The following IFNLR1 variants were observed in gnomAD, a reference collection of about 807,000 sequenced individuals.
IFNLR1 encodes interferon lambda receptor 1, also known as CRF2-12.
IFNLR1 carries 28 observed loss-of-function variants against 52.5 expected under a neutral mutation model. That is an observed-to-expected ratio of 0.53 (90% CI 0.40 to 0.73). The LOEUF is 0.73. IFNLR1 is among the 30% of genes least tolerant of loss of function. The probability of loss-of-function intolerance (pLI) is 0.00; values close to 1 mark genes in which losing one functional copy is unlikely to be tolerated. For missense variants in IFNLR1, 623 were observed against 659.1 expected (o/e 0.95, Z 0.60); for synonymous variants, 276 against 274.9 (o/e 1.00, Z -0.04).
chr1:24,162,782 CTTTCTTT>C (rs1557643960), intron 3 of IFNLR1, among the ~76,000 whole-genome samples: 5,247 of 68,074 alleles, frequency 0.077, 702 homozygotes, highest in Middle Eastern at 0.1. Context: ...CTTTCTTTTT[CTTTCTTT>C]TTCTTTCTTT....
intron 4 of IFNLR1, among the ~76,000 whole-genome samples, chr1:24,161,153 C>T (rs947958429): frequency 9.9e-5 from 15 of 152,164 alleles, no homozygotes; most frequent in East Asian, 1.9e-4. Context: ...CCAAACATAT[C>T]GACTATCTGG....
Position 24,157,871 on chromosome 1 carries a change from G to T in IFNLR1, c.822C>A (p.His274Gln). Residue 274 changes from histidine (H) to glutamine (Q), a missense_variant, in exon 7 of 7, where the codon CAC (histidine) becomes CAA (glutamine). His to Gln is a conservative substitution (Grantham distance 24). Coordinates refer to ENST00000327535, the MANE Select transcript of IFNLR1 (RefSeq NM_170743.4). This position sits in a 1 kb window ranked among gnomAD's most constrained non-coding sequence, Gnocchi z 5.1. The stretch of plus-strand genomic sequence containing the variant: ...TGCTGGGCTGAAAGGTTGCCACAGG[G>T]TGTGTGTGTCCAGAAAAGTCCTGAT... Reference protein sequence around the residue: ...PRALDFSGHTHPVATFQPSRP... With the variant: ...PRALDFSGHTQPVATFQPSRP... 6.3e-7 allele frequency: 1 copy of T among 1,592,534 alleles called. No homozygotes were observed. The highest frequency in any genetic ancestry group is 8.5e-7 in the Non-Finnish European group (1 of 1,170,720).
At position 24,187,227 on chromosome 1, in the gene IFNLR1, C is replaced by A; in HGVS notation, c.22G>T (p.Gly8Cys). ...TGCAGCAGGCACAGGAGCAGGGGGC[C>A]CCAGCGCTCGGGCCCCGCCATGGCC... MAGPERWGPLLLCLLQAA... is the reference protein window; with the variant it reads MAGPERWCPLLLCLLQAA... Residue 8 changes from glycine to cysteine, a missense_variant, in exon 1 of 7, where the codon GGC becomes TGC. Transcript: ENST00000327535. 1.5e-6 allele frequency: 2 copies of A among 1,291,526 alleles called. No individual in the cohort carries two copies. The highest frequency in any genetic ancestry group is 2.0e-6 in the Non-Finnish European group (2 of 1,019,340). The allele number at this position is 1,291,526 out of a possible 1,614,324, so 80.0% of individuals were successfully genotyped here.
intron 6 of IFNLR1, among the ~76,000 whole-genome samples, chr1:24,158,477 C>T (rs1569623648): frequency 6.6e-6 from 1 of 152,194 alleles, no homozygotes; most frequent in Non-Finnish European, 1.5e-5. Context: ...TGCAGGGACA[C>T]TCAGAATCCA....
rs1225591100 is a variant in IFNLR1, at chr1:24,156,144, G to T, written c.*986C>A. ...GGGTTCCCATTGCTAGGTGAAGGCGGAGAGACCAGGGTCCCCTTGGGTGGG... is the reference window on the plus strand; with the variant it reads ...GGGTTCCCATTGCTAGGTGAAGGCGTAGAGACCAGGGTCCCCTTGGGTGGG... On this transcript the variant is annotated 3_prime_UTR_variant, in exon 7 of 7. Coordinates refer to ENST00000327535, the MANE Select transcript of IFNLR1 (RefSeq NM_170743.4). 6.6e-6 allele frequency: 1 copy of T among 152,134 alleles called. No homozygotes were observed. Among genetic ancestry groups the T allele is most frequent in the Non-Finnish European group, 1.5e-5 (1 of 68,076 alleles). The allele number at this position is 152,134 out of a possible 1,614,324, so 9.4% of individuals were successfully genotyped here.
chr1:24,174,631 T>A (rs4649198), intron 2 of IFNLR1, among the ~76,000 whole-genome samples: 151,980 of 152,348 alleles, frequency 1, 75,807 homozygotes, highest in South Asian at 1. Context: ...AAGTTAAAAG[T>A]TCATTGGCTA....
intron 3 of IFNLR1, among the ~76,000 whole-genome samples, chr1:24,168,247 C>T (rs558030499): frequency 6.6e-6 from 1 of 152,158 alleles, no homozygotes; most frequent in East Asian, 1.9e-4. Flanking sequence ...CTTCTTTCCA[C>T]ACGAATCATC....
At chr1:24,173,809 T>C (rs1644605488) in intron 2 of IFNLR1, among the ~76,000 whole-genome samples, 1 of 143,976 alleles carries the variant, frequency 6.9e-6, no homozygotes, top group South Asian at 2.2e-4. Context: ...CCACCATGCC[T>C]GGCTAATTTT....
intron 1 of IFNLR1, among the ~76,000 whole-genome samples, chr1:24,186,911 T>C (rs949009060): frequency 1.3e-5 from 2 of 152,172 alleles, no homozygotes; most frequent in African/African-American, 4.8e-5. Context: ...TATTAAAAAA[T>C]ATGCAGTATC....
At chr1:24,158,491 T>TC (rs1261356576) in intron 6 of IFNLR1, among the ~76,000 whole-genome samples, 1 of 152,172 alleles carries the variant, frequency 6.6e-6, no homozygotes, top group Non-Finnish European at 1.5e-5. Flanking sequence ...GAATCCATCC[T>TC]CAAAGCCCCC....
chr1:24,180,850 C>A lies in IFNLR1; in HGVS notation c.63G>T (p.Arg21Ser), dbSNP rs779262424. 6.2e-7 allele frequency: 1 copy of A among 1,613,072 alleles called. No individual in the cohort carries two copies. Among genetic ancestry groups the A allele is most frequent in the Non-Finnish European group, 8.5e-7 (1 of 1,179,668 alleles). The change falls in exon 2 of 7, where the codon AGG becomes AGT. Residue 21 changes from arginine (R) to serine (S), a missense_variant. Arg to Ser is a moderately radical substitution (Grantham distance 110). Coordinates refer to ENST00000327535, the MANE Select transcript of IFNLR1 (RefSeq NM_170743.4). The part of the protein sequence containing the change: ...LLCLLQAAPG[R>S]PRLAPPQNVT... ...CATTCTGGGGAGGGGCCAGACGGGG[C>A]CTCCCTGGGGGAAAGAAAGGGGTCA...
chr1:24,159,263 A>G (rs1026828393), intron 5 of IFNLR1, 81 bp from the exon 6 acceptor site: 33 of 1,518,382 alleles, frequency 2.2e-5, no homozygotes, highest in South Asian at 4.7e-5. Flanking sequence ...CTTCACATAC[A>G]TGACCCTATT....
In IFNLR1 at chr1:24,157,172, G is replaced by A. The variant is rs369424478; in HGVS notation, c.1521C>T (p.Thr507=). 6.9e-5 allele frequency: 111 copies of A among 1,613,888 alleles called. No homozygotes were observed. Among genetic ancestry groups the A allele is most frequent in the South Asian group, 2.0e-4 (18 of 91,062 alleles). The part of the protein sequence containing the change: ...GSWGAESTQR[T]EDRGRTLGHY... ...GCCCCAATGTCCGGCCCCTGTCCTC[G>A]GTCCTCTGGGTGCTCTCAGCCCCCC... is the stretch of plus-strand genomic sequence containing the variant. Residue 507 remains threonine, a synonymous_variant, in exon 7 of 7, where the codon ACC becomes ACT. Transcript: ENST00000327535. The surrounding 1 kb of genome is among the most constrained non-coding windows in gnomAD (Gnocchi z 5.1).
At chr1:24,162,762 TTCTTTCTTTCTTTCTTTTTCTTTC>T (rs1557643840) in intron 3 of IFNLR1, among the ~76,000 whole-genome samples, 6 of 25,060 alleles carry the variant, frequency 2.4e-4, no homozygotes, top group African/African-American at 9.5e-4. Context: ...CTTTCTTTCT[TTCTTTCTTTCTTTCTTTTTCTTTC>T]TTTTTCTTTC....
chr1:24,168,101 C>G (rs1302558084), intron 3 of IFNLR1, among the ~76,000 whole-genome samples: 1 of 152,078 alleles, frequency 6.6e-6, no homozygotes, highest in Non-Finnish European at 1.5e-5. Flanking sequence ...CACATATTTC[C>G]TTCCTAATAG....
chr1:24,162,831 T>TTTTCTTTCTTTCTTTCTTTCTTTC (rs71029518), intron 3 of IFNLR1, among the ~76,000 whole-genome samples: 2 of 33,856 alleles, frequency 5.9e-5, no homozygotes, highest in African/African-American at 1.2e-4. Flanking sequence ...TCTTTCTTTC[T>TTTTCTTTCTTTCTTTCTTTCTTTC]TTTCTTTCTT....
rs532693168 is a variant in IFNLR1, at chr1:24,184,371, A to G, written c.58+2820T>C. On this transcript the variant is annotated intron_variant, in intron 1 of 6. Coordinates refer to ENST00000327535, the MANE Select transcript of IFNLR1 (RefSeq NM_170743.4). ...ACTGTTAATCTTCATCTTCTGAAAT[A>G]CGCATCTGATTACACCACTCCCCAG... is the stretch of plus-strand genomic sequence containing the variant. 3.2e-3 allele frequency among the ~76,000 whole-genome samples: 487 copies of G among 152,244 alleles called. 2 individuals are homozygous for G. Among genetic ancestry groups the G allele is most frequent in the African/African-American group, 0.01 (422 of 41,532 alleles).
intron 1 of IFNLR1, among the ~76,000 whole-genome samples, chr1:24,186,221 T>C (rs1184166207): frequency 1.3e-5 from 2 of 152,080 alleles, no homozygotes; most frequent in Admixed American, 6.5e-5. Context: ...ACCCAGTGGA[T>C]GGACAGCCTG....
chr1:24,177,488 G>A (rs1014287780), intron 2 of IFNLR1, among the ~76,000 whole-genome samples: 4 of 152,194 alleles, frequency 2.6e-5, no homozygotes, highest in Non-Finnish European at 2.9e-5. Context: ...GAAGCATCCC[G>A]CACGGGAGAA....
Sources: allele counts gnomAD v4.1 joint callset (sites outside exome capture counted in the v4.1 genomes callset), GRCh38; gene constraint gnomAD v4.1.1; non-coding constraint Gnocchi (gnomAD v3.1); transcripts MANE v1.5; gene names NCBI Gene and HGNC (gene_info 2026-07-23, HGNC 2026-07-21).